PTPRD: variants seen among roughly 807,000 people sequenced by gnomAD.
The protein encoded by PTPRD is receptor-type tyrosine-protein phosphatase delta.
Under a neutral mutation model 214.5 loss-of-function variants are expected in PTPRD, and 34 were observed. The observed-to-expected ratio is 0.16, with a 90% CI of 0.12 to 0.21. The LOEUF (loss-of-function observed/expected upper bound fraction) is 0.21. PTPRD is among the 10% of genes least tolerant of loss of function. The pLI is 1.00. For missense variants in PTPRD, 2,545 were observed against 2,398.7 expected, an observed-to-expected ratio of 1.06 and a Z score of -1.27; for synonymous variants, 1,128 against 845.7, an observed-to-expected ratio of 1.33 and a Z score of -5.79.
At chr9:9,943,239 T>G (rs2091942123) in intron 4 of PTPRD, among the ~76,000 whole-genome samples, 2 of 152,186 alleles carry the variant, frequency 1.3e-5, no homozygotes, top group South Asian at 4.1e-4. Context: ...TCCTAGTTGT[T>G]ACAAAAGATG....
At chr9:10,434,755 T>C (rs919220730) in intron 2 of PTPRD, among the ~76,000 whole-genome samples, 1 of 151,936 alleles carries the variant, frequency 6.6e-6, no homozygotes, top group East Asian at 1.9e-4. Context: ...TGTAATTTGT[T>C]TTGTCAAAGC....
intron 2 of PTPRD, among the ~76,000 whole-genome samples, chr9:10,359,220 G>A (rs1489736612): frequency 3.3e-5 from 5 of 151,918 alleles, no homozygotes; most frequent in African/African-American, 1.2e-4. Flanking sequence ...GGAAGATGTA[G>A]GTGCAAAGAT....
chr9:9,926,434 A>G (rs1055258773), intron 5 of PTPRD, among the ~76,000 whole-genome samples: 6 of 152,138 alleles, frequency 3.9e-5, no homozygotes, highest in Non-Finnish European at 5.9e-5. Flanking sequence ...AAAAAGGAAG[A>G]TATCAAGGAG....
intron 7 of PTPRD, among the ~76,000 whole-genome samples, chr9:9,675,097 G>C (rs1441108811): frequency 6.6e-6 from 1 of 151,852 alleles, no homozygotes; most frequent in Non-Finnish European, 1.5e-5. Flanking sequence ...ATATTTAAGA[G>C]ATTTTTGACA....
intron 7 of PTPRD, among the ~76,000 whole-genome samples, chr9:9,720,097 G>C (rs527512625): frequency 1.3e-5 from 2 of 152,282 alleles, no homozygotes; most frequent in African/African-American, 4.8e-5. Context: ...GCAGGCATGA[G>C]CAAAACTCAA....
At chr9:8,982,432 T>A (rs1200288438) in intron 11 of PTPRD, among the ~76,000 whole-genome samples, 1 of 151,876 alleles carries the variant, frequency 6.6e-6, no homozygotes, top group Non-Finnish European at 1.5e-5. Context: ...CTTAAGCGAA[T>A]GCTTCCCCAG....
intron 12 of PTPRD, among the ~76,000 whole-genome samples, chr9:8,675,244 A>T (rs1466363225): frequency 1.3e-5 from 2 of 151,992 alleles, no homozygotes; most frequent in Non-Finnish European, 2.9e-5. Context: ...GCCCTCTCTA[A>T]GCCTCTAGTT....
intron 14 of PTPRD, among the ~76,000 whole-genome samples, chr9:8,565,912 T>A (rs1413407236): frequency 6.6e-6 from 1 of 152,084 alleles, no homozygotes; most frequent in East Asian, 1.9e-4. Flanking sequence ...TGTTTGTATA[T>A]AGAGAGAAAA....
intron 3 of PTPRD, among the ~76,000 whole-genome samples, chr9:10,182,388 C>T (rs991147159): frequency 2.6e-5 from 4 of 151,464 alleles, no homozygotes; most frequent in Non-Finnish European, 5.9e-5. Context: ...AGAGAATATA[C>T]TTGGAATGTC....
In PTPRD at chr9:9,821,946, A is replaced by T. The variant is rs190577854; in HGVS notation, c.-367-55095T>A. Among the ~76,000 whole-genome samples, 164 of 149,060 alleles carry T rather than the reference A, an allele frequency of 1.1e-3. 2 individuals carry two copies. In the East Asian group the frequency reaches 0.02, roughly 18 times the overall value. ...ATATTTATAATATTTATATATATTT[A>T]TATATATTAAATTTTGTAGGATAAG... On this transcript the variant is annotated intron_variant, in intron 5 of 45. Transcript: ENST00000381196.
At chr9:9,123,709 A>G (rs1179300412) in intron 10 of PTPRD, among the ~76,000 whole-genome samples, 4 of 152,208 alleles carry the variant, frequency 2.6e-5, no homozygotes, top group Non-Finnish European at 5.9e-5. Flanking sequence ...AGCTTGCTTT[A>G]CTTTACATCA....
At chr9:8,824,019 C>G (rs1031953566) in intron 11 of PTPRD, among the ~76,000 whole-genome samples, 9 of 152,132 alleles carry the variant, frequency 5.9e-5, no homozygotes, top group Non-Finnish European at 1.0e-4. Flanking sequence ...TGTAAACTGT[C>G]ATGGTGCTGG....
At chr9:10,234,854 CT>C (rs1170401255) in intron 3 of PTPRD, among the ~76,000 whole-genome samples, 1 of 151,856 alleles carries the variant, frequency 6.6e-6, no homozygotes, top group Non-Finnish European at 1.5e-5. Context: ...GGGAGATTAA[CT>C]TACTACTGAA....
At chr9:8,795,882 T>G (rs879488551) in intron 11 of PTPRD, among the ~76,000 whole-genome samples, 1 of 152,022 alleles carries the variant, frequency 6.6e-6, no homozygotes, top group Non-Finnish European at 1.5e-5. Flanking sequence ...TCAAACAAAA[T>G]GCATAAAAGT....
intron 10 of PTPRD, among the ~76,000 whole-genome samples, chr9:9,084,008 A>G (rs1484657153): frequency 6.6e-6 from 1 of 152,178 alleles, no homozygotes; most frequent in Non-Finnish European, 1.5e-5. Context: ...TTCCTCGAGG[A>G]CCTAGAACCA....
intron 39 of PTPRD, among the ~76,000 whole-genome samples, chr9:8,371,158 A>G (rs374819291): frequency 1.7e-4 from 26 of 152,218 alleles, no homozygotes; most frequent in African/African-American, 6.0e-4. Context: ...GAACTCAGAA[A>G]TAGTTATAAG....
intron 2 of PTPRD, among the ~76,000 whole-genome samples, chr9:10,470,757 T>C (rs1409713361): frequency 6.6e-6 from 1 of 152,236 alleles, no homozygotes; most frequent in South Asian, 2.1e-4. Context: ...CTGCTTCTAG[T>C]AGAGAACCAC....
intron 3 of PTPRD, among the ~76,000 whole-genome samples, chr9:10,119,299 G>A (rs1413868119): frequency 6.6e-6 from 1 of 151,844 alleles, no homozygotes; most frequent in Non-Finnish European, 1.5e-5. Context: ...TATTTGCTCT[G>A]GTCATCCAAA....
chr9:10,287,480 G>A (rs1359449958), intron 3 of PTPRD, among the ~76,000 whole-genome samples: 1 of 152,128 alleles, frequency 6.6e-6, no homozygotes, highest in Non-Finnish European at 1.5e-5. Context: ...TGCACCCTAT[G>A]AATCTGAGTG....
Sources: allele counts gnomAD v4.1 joint callset (sites outside exome capture counted in the v4.1 genomes callset), GRCh38; gene constraint gnomAD v4.1.1; transcripts MANE v1.5; gene names NCBI Gene and HGNC (gene_info 2026-07-23, HGNC 2026-07-21).